The following MALRD1 variants were observed in gnomAD, a reference collection of about 807,000 sequenced individuals.
MALRD1 encodes the protein MAM and LDL receptor class A domain containing 1.
Under a neutral mutation model 242.1 loss-of-function variants are expected in MALRD1, and 247 were observed. The ratio of observed to expected loss-of-function variants is 1.02; its 90% CI spans 0.92 to 1.13. The LOEUF (loss-of-function observed/expected upper bound fraction) is 1.13, where lower values mean the gene tolerates loss of function less well. Ranked by LOEUF, MALRD1 falls within the 50% of genes most tolerant of loss-of-function variation. The pLI, the probability that MALRD1 is intolerant of heterozygous loss-of-function variation, is 0.00. For missense variants in MALRD1, 2,989 were observed against 2,533.1 expected, an observed-to-expected ratio of 1.18 and a Z score of -3.86; for synonymous variants, 995 against 866.6, an observed-to-expected ratio of 1.15 and a Z score of -2.60.
At chr10:19,445,087 G>A (rs1834892229) in intron 28 of MALRD1, among the ~76,000 whole-genome samples, 1 of 152,106 alleles carries the variant, frequency 6.6e-6, no homozygotes, top group Non-Finnish European at 1.5e-5. Flanking sequence ...CTTTCTTCCA[G>A]TTGATTGAAT....
chr10:19,544,914 A>G (rs894761680), intron 32 of MALRD1, among the ~76,000 whole-genome samples: 1 of 152,176 alleles, frequency 6.6e-6, no homozygotes, highest in Non-Finnish European at 1.5e-5. Flanking sequence ...ATTAATGCCT[A>G]TGCAGTCTAC....
At chr10:19,509,824 C>G (rs1270674497) in intron 31 of MALRD1, among the ~76,000 whole-genome samples, 1 of 152,028 alleles carries the variant, frequency 6.6e-6, no homozygotes, top group Non-Finnish European at 1.5e-5. Flanking sequence ...GTGGGTTGCC[C>G]CTGCACACCT....
At chr10:19,629,293 G>A (rs572425707) in intron 36 of MALRD1, among the ~76,000 whole-genome samples, 2 of 152,250 alleles carry the variant, frequency 1.3e-5, no homozygotes, top group South Asian at 2.1e-4. Context: ...GATTCTGTTC[G>A]CTGGTCATTG....
chr10:19,151,509 A>G (rs906438720), intron 11 of MALRD1, among the ~76,000 whole-genome samples: 55 of 152,172 alleles, frequency 3.6e-4, no homozygotes, highest in African/African-American at 1.2e-3. Flanking sequence ...CTAAATATTA[A>G]CAGTTCTATC....
intron 29 of MALRD1, among the ~76,000 whole-genome samples, chr10:19,467,392 C>CAAAAAAA (rs71387079): frequency 0.038 from 2,048 of 53,428 alleles, 232 homozygotes; most frequent in African/African-American, 0.13. Context: ...GACTCCGTCT[C>CAAAAAAA]AAAAAAAAAA....
intron 32 of MALRD1, among the ~76,000 whole-genome samples, chr10:19,534,025 G>A (rs1355526001): frequency 6.6e-6 from 1 of 152,178 alleles, no homozygotes; most frequent in Non-Finnish European, 1.5e-5. Context: ...CCCACAAAGG[G>A]AGAGAGATTG....
At chr10:19,409,463 AT>A (rs754034186) in intron 28 of MALRD1, among the ~76,000 whole-genome samples, 13 of 152,298 alleles carry the variant, frequency 8.5e-5, no homozygotes, top group Non-Finnish European at 1.6e-4. Flanking sequence ...TTTAAAAAAA[AT>A]AAATGAAAAT....
At chr10:19,078,171 T>C (rs1259471412) in intron 2 of MALRD1, among the ~76,000 whole-genome samples, 3 of 151,904 alleles carry the variant, frequency 2.0e-5, no homozygotes, top group Admixed American at 6.6e-5. Flanking sequence ...TTTATTATAC[T>C]TTAAGTTCTA....
In MALRD1 at chr10:19,244,934, A is replaced by C. The variant is rs111466578; in HGVS notation, c.2992-12750A>C. The stretch of plus-strand genomic sequence containing the variant: ...CTGCACCTCCCGTAGGTGGCCAGTG[A>C]ACTAAGACCATCAAGAGAGGAGAAG... On this transcript the variant is annotated intron_variant, in intron 18 of 39. Coordinates refer to ENST00000454679, the MANE Select transcript of MALRD1 (RefSeq NM_001142308.3). Among the ~76,000 whole-genome samples, 358 of 152,270 alleles carry C rather than the reference A, an allele frequency of 2.4e-3. 2 individuals carry two copies. The highest frequency in any genetic ancestry group is 8.3e-3 in the African/African-American group (343 of 41,560).
intron 33 of MALRD1, among the ~76,000 whole-genome samples, chr10:19,593,303 C>G (rs1339722380): frequency 6.6e-6 from 1 of 152,114 alleles, no homozygotes; most frequent in African/African-American, 2.4e-5. Context: ...ACATAGGCTC[C>G]CTAAGCACAG....
chr10:19,339,953 C>G (rs1034129201), intron 24 of MALRD1, among the ~76,000 whole-genome samples: 7 of 151,996 alleles, frequency 4.6e-5, no homozygotes, highest in Non-Finnish European at 8.8e-5. Flanking sequence ...TCCATGGAAG[C>G]AGAAGAGAGA....
At chr10:19,323,289 A>G (rs990801369) in intron 21 of MALRD1, among the ~76,000 whole-genome samples, 4 of 152,090 alleles carry the variant, frequency 2.6e-5, no homozygotes, top group African/African-American at 7.2e-5. Context: ...TGTTTCTTCT[A>G]AAGGCAATCA....
intron 1 of MALRD1, among the ~76,000 whole-genome samples, chr10:19,054,454 T>C (rs189038387): frequency 6.6e-6 from 1 of 152,310 alleles, no homozygotes; most frequent in Admixed American, 6.5e-5. Flanking sequence ...TTTTGAAATA[T>C]ACAATACATT....
intron 31 of MALRD1, among the ~76,000 whole-genome samples, chr10:19,530,561 C>CAT (rs1834367209): frequency 6.8e-6 from 1 of 147,348 alleles, no homozygotes; most frequent in South Asian, 2.1e-4. Flanking sequence ...TACACACACA[C>CAT]ATATATATAT....
At chr10:19,358,126 C>T (rs908194228) in intron 26 of MALRD1, among the ~76,000 whole-genome samples, 12 of 151,778 alleles carry the variant, frequency 7.9e-5, no homozygotes, top group African/African-American at 1.9e-4. Context: ...AATTCAATCA[C>T]GGTCATATTC....
intron 10 of MALRD1, among the ~76,000 whole-genome samples, chr10:19,139,547 C>T (rs1269630303): frequency 6.6e-6 from 1 of 152,122 alleles, no homozygotes; most frequent in East Asian, 1.9e-4. Context: ...AATATGAACT[C>T]GTGAGGATTG....
intron 36 of MALRD1, among the ~76,000 whole-genome samples, chr10:19,682,242 G>A (rs1842404791): frequency 1.3e-5 from 2 of 152,112 alleles, no homozygotes; most frequent in African/African-American, 4.8e-5. Flanking sequence ...CTCTGACAAT[G>A]AGACAAATGA....
chr10:19,664,645 C>G (rs572338624), intron 36 of MALRD1, among the ~76,000 whole-genome samples: 1 of 151,800 alleles, frequency 6.6e-6, no homozygotes, highest in Non-Finnish European at 1.5e-5. Context: ...TCCTGTATTA[C>G]TGATACAGTT....
chr10:19,642,610 A>C (rs1215138428), intron 36 of MALRD1, among the ~76,000 whole-genome samples: 2 of 152,178 alleles, frequency 1.3e-5, no homozygotes, highest in Non-Finnish European at 2.9e-5. Flanking sequence ...GGACAAACCT[A>C]CTTCTAAAGC....
Sources: allele counts gnomAD v4.1 joint callset (sites outside exome capture counted in the v4.1 genomes callset), GRCh38; gene constraint gnomAD v4.1.1; transcripts MANE v1.5; gene names NCBI Gene and HGNC (gene_info 2026-07-23, HGNC 2026-07-21).